The following RAB7A variants were observed in gnomAD, a reference collection of about 807,000 sequenced individuals.
RAB7A encodes the protein ras-related protein Rab-7a.
In RAB7A, 2 loss-of-function variants were observed where a neutral mutation model predicts 24.5. The observed-to-expected ratio is 0.08, with a 90% CI of 0.03 to 0.26. The LOEUF (loss-of-function observed/expected upper bound fraction) is 0.26. Ranked by LOEUF, RAB7A falls within the 10% of genes least tolerant of loss-of-function variation. The pLI is 1.00. For missense variants in RAB7A, 118 were observed against 255.7 expected (o/e 0.46, Z 3.67); for synonymous variants, 100 against 95.9 (o/e 1.04, Z -0.25).
Position 128,813,689 on chromosome 3 carries a change from A to T in RAB7A, c.*267A>T, listed in dbSNP as rs922708395. 1.4e-5 allele frequency: 7 copies of T among 510,884 alleles called. No homozygotes were observed. The highest frequency in any genetic ancestry group is 2.9e-4 in the Middle Eastern group (1 of 3,416). 31.6% of individuals were successfully genotyped at this position (510,884 alleles called of 1,614,324 possible). On this transcript the variant is annotated 3_prime_UTR_variant, in exon 6 of 6. Coordinates refer to ENST00000265062, the MANE Select transcript of RAB7A (RefSeq NM_004637.6). Reference sequence around the variant, plus strand: ...TGGGGTCTGCCTGCCCACCCACATGAGCCCGCGAGTATGGCAGCAGGACAA... The same window carrying T: ...TGGGGTCTGCCTGCCCACCCACATGTGCCCGCGAGTATGGCAGCAGGACAA...
chr3:128,731,774 G>T (rs141052298), intron 1 of RAB7A, among the ~76,000 whole-genome samples: 1 of 152,022 alleles, frequency 6.6e-6, no homozygotes, highest in South Asian at 2.1e-4. Context: ...TTGGGAGGCC[G>T]AGGAGGGTGG....
chr3:128,804,983 A>G (rs138265753), intron 3 of RAB7A, among the ~76,000 whole-genome samples: 1,815 of 152,220 alleles, frequency 0.012, 33 homozygotes, highest in African/African-American at 0.039. Context: ...GAGGGGAGGA[A>G]CTTGGGAGAA....
chr3:128,756,755 T>C (rs1312361751), intron 1 of RAB7A, among the ~76,000 whole-genome samples: 1 of 152,104 alleles, frequency 6.6e-6, no homozygotes, highest in East Asian at 1.9e-4. Context: ...TTTCAAAATG[T>C]ACTGCAAAGC....
At chr3:128,776,983 CA>C (rs1436418521) in intron 1 of RAB7A, among the ~76,000 whole-genome samples, 375 of 147,216 alleles carry the variant, frequency 2.5e-3, no homozygotes, top group Non-Finnish European at 4.3e-3. Context: ...CACACACACA[CA>C]CACCCCTATT....
At chr3:128,774,201 TAA>T (rs796939918) in intron 1 of RAB7A, among the ~76,000 whole-genome samples, 7 of 132,860 alleles carry the variant, frequency 5.3e-5, no homozygotes, top group African/African-American at 8.4e-5. Flanking sequence ...AAAAAAAAAT[TAA>T]AAAAAAAAAA....
At chr3:128,793,897 C>G (rs999286673) in intron 1 of RAB7A, among the ~76,000 whole-genome samples, 1 of 152,154 alleles carries the variant, frequency 6.6e-6, no homozygotes, top group Non-Finnish European at 1.5e-5. Context: ...GTCATGGGAC[C>G]TGGGGTGTGT....
At position 128,795,353 on chromosome 3, in the gene RAB7A, C is replaced by T; in HGVS notation, c.-8-7C>T. ...ACTCACAGTGATTTCTCCTTTTCCC[C>T]CTTTAGTTTGAAGGATGACCTCTAG... On this transcript the variant is annotated splice_region_variant and splice_polypyrimidine_tract_variant and intron_variant, in intron 1 of 5. Transcript: ENST00000265062. The T allele has an allele frequency of 6.2e-7, 1 of 1,609,682 alleles. No homozygotes were observed. Among genetic ancestry groups the T allele is most frequent in the Non-Finnish European group, 8.5e-7 (1 of 1,175,990 alleles).
chr3:128,768,593 C>G (rs1214753863), intron 1 of RAB7A, among the ~76,000 whole-genome samples: 4 of 152,070 alleles, frequency 2.6e-5, no homozygotes, highest in African/African-American at 9.7e-5. Flanking sequence ...GGGTCTCATT[C>G]TGTTGCGCAG....
chr3:128,759,348 C>G (rs1202265206), intron 1 of RAB7A, among the ~76,000 whole-genome samples: 1 of 152,160 alleles, frequency 6.6e-6, no homozygotes, highest in African/African-American at 2.4e-5. Flanking sequence ...GTTCCTTTCC[C>G]CGATTATCCC....
intron 1 of RAB7A, among the ~76,000 whole-genome samples, chr3:128,761,561 C>G (rs541599915): frequency 9.9e-5 from 15 of 152,238 alleles, no homozygotes; most frequent in Admixed American, 2.0e-4. Flanking sequence ...GTTAAGATCA[C>G]CAGCCTCTGA....
At chr3:128,743,874 C>T (rs527701222) in intron 1 of RAB7A, among the ~76,000 whole-genome samples, 70 of 151,504 alleles carry the variant, frequency 4.6e-4, no homozygotes, top group Non-Finnish European at 8.8e-4. Flanking sequence ...ACTGCAACCT[C>T]CATCTCCTGG....
rs545197111 is a variant in RAB7A, at chr3:128,746,924, A to G, written c.-9+20565A>G. 7.7e-4 allele frequency among the ~76,000 whole-genome samples: 117 copies of G among 151,868 alleles called. 1 individual carries two copies. Among genetic ancestry groups the G allele is most frequent in the African/African-American group, 2.4e-3 (97 of 41,124 alleles). On this transcript the variant is annotated intron_variant, in intron 1 of 5. Coordinates refer to ENST00000265062, the MANE Select transcript of RAB7A (RefSeq NM_004637.6). ...ATATGTTAGTTAGCTTAACTTAATC[A>G]TTCCATATTGTATACATATATCTAA...
intron 3 of RAB7A, among the ~76,000 whole-genome samples, chr3:128,803,588 A>G (rs567674503): frequency 6.6e-6 from 1 of 152,336 alleles, no homozygotes; most frequent in South Asian, 2.1e-4. Context: ...TCTGGACATT[A>G]TGAGAGAGTT....
At chr3:128,765,096 T>C (rs6796731) in intron 1 of RAB7A, 169,324 of 808,102 alleles carry the variant, frequency 0.21, 22,250 homozygotes, top group African/African-American at 0.5. Flanking sequence ...GGTCCGAGGG[T>C]GCAGTGAAGA....
At chr3:128,748,794 G>A (rs2070646636) in intron 1 of RAB7A, 1 of 152,186 alleles carries the variant, frequency 6.6e-6, no homozygotes, top group African/African-American at 2.4e-5. Context: ...AGGCTTTCTA[G>A]TTCTGAGGAA....
At chr3:128,782,385 G>A (rs1339084861) in intron 1 of RAB7A, among the ~76,000 whole-genome samples, 3 of 152,092 alleles carry the variant, frequency 2.0e-5, no homozygotes, top group African/African-American at 7.2e-5. Flanking sequence ...TGCCCGCATG[G>A]GTGGAGATGC....
Position 128,813,585 on chromosome 3 carries a change from T to TCACACA in RAB7A, c.*175_*180dup, listed in dbSNP as rs3830294. On this transcript the variant is annotated 3_prime_UTR_variant, in exon 6 of 6. Transcript: ENST00000265062. ...AACACAGTTACACCCCACATATCTC[T>TCACACA]CACACACACACACACACGCACACAC... 2 of 630,158 alleles carry TCACACA rather than the reference T, an allele frequency of 3.2e-6. No individual in the cohort carries two copies. The highest frequency in any genetic ancestry group is 5.9e-6 in the Non-Finnish European group (2 of 341,586). 39.0% of individuals were successfully genotyped at this position (630,158 alleles called of 1,614,324 possible).
At chr3:128,786,995 A>T (rs868350835) in intron 1 of RAB7A, among the ~76,000 whole-genome samples, 41 of 152,246 alleles carry the variant, frequency 2.7e-4, no homozygotes, top group African/African-American at 9.6e-4. Context: ...CATGGTATAT[A>T]ACCTCAACCA....
At chr3:128,767,546 T>C (rs1427574778) in intron 1 of RAB7A, among the ~76,000 whole-genome samples, 1 of 152,124 alleles carries the variant, frequency 6.6e-6, no homozygotes, top group Non-Finnish European at 1.5e-5. Flanking sequence ...AGGGAAAGAT[T>C]TGTATGGCTG....
Sources: gnomAD v4.1 joint callset for allele counts (sites outside exome capture counted in the v4.1 genomes callset) on GRCh38, gnomAD v4.1.1 for gene constraint, MANE v1.5 for transcripts, NCBI Gene and HGNC (gene_info 2026-07-23, HGNC 2026-07-21) for gene names.